CCM2L: variants seen among roughly 807,000 people sequenced by gnomAD.
CCM2L encodes CCM2 like scaffold protein.
CCM2L carries 36 observed loss-of-function variants against 54.1 expected under a neutral mutation model. That is an observed-to-expected ratio of 0.67 (90% CI 0.51 to 0.88). The LOEUF (loss-of-function observed/expected upper bound fraction) is 0.88, where lower values mean the gene tolerates loss of function less well. Among genes scored for constraint, CCM2L ranks in the 40% least tolerant of loss-of-function variants. CCM2L has a pLI of 0.00. For missense variants in CCM2L, 700 were observed against 812.1 expected (o/e 0.86, Z 1.68); for synonymous variants, 351 against 359.3 (o/e 0.98, Z 0.26).
At chr20:32,026,240 GT>G (rs1348738413) in intron 7 of CCM2L, among the ~76,000 whole-genome samples, 1 of 152,200 alleles carries the variant, frequency 6.6e-6, no homozygotes, top group African/African-American at 2.4e-5. Context: ...TTGGTTCCAT[GT>G]AATAGAAAAT....
rs1054691682 is a variant in CCM2L, at chr20:32,019,002, G to T, written c.526G>T (p.Asp176Tyr). ...VDASPGGAGR[D>Y]PGPPGGAPEK... The stretch of plus-strand genomic sequence containing the variant: ...TGCCAGCCCAGGCGGCGCAGGACGC[G>T]ACCCCGGCCCGCCAGGCGGGGCGCC... Residue 176 changes from aspartate to tyrosine, a missense_variant, in exon 5 of 10, where the codon GAC becomes TAC. By Grantham distance (160) the Asp-to-Tyr change is radical. Coordinates refer to ENST00000452892, the MANE Select transcript of CCM2L (RefSeq NM_001365692.1). 146 of 1,351,096 alleles carry T rather than the reference G, an allele frequency of 1.1e-4. No individual in the cohort carries two copies. In the African/African-American group the frequency reaches 2.0e-3, roughly 19 times the overall value. 83.7% of individuals were successfully genotyped at this position (1,351,096 alleles called of 1,614,324 possible). A position where few individuals can be genotyped will look rare whatever the true frequency, so the allele number is the denominator to read the frequency against.
In CCM2L at chr20:32,019,219, AGCGGCGGCACGGAGGCGGCG is replaced by A; in HGVS notation, c.752_771del (p.His251ArgfsTer9). ...CGGCAGACGTTCAGCGGCAGCTGGG[AGCGGCGGCACGGAGGCGGCG>A]GCGGCGGCGGCGGCGCGGGAAAGCC... On this transcript the variant is annotated frameshift_variant, in exon 5 of 10. Transcript: ENST00000452892. LOFTEE classifies it high-confidence loss of function. The A allele has an allele frequency of 8.7e-7, 1 of 1,151,744 alleles. No individual in the cohort carries two copies. The highest frequency in any genetic ancestry group is 1.1e-6 in the Non-Finnish European group (1 of 924,276). 71.3% of individuals were successfully genotyped at this position (1,151,744 alleles called of 1,614,324 possible). A position where few individuals can be genotyped will look rare whatever the true frequency, so the allele number is the denominator to read the frequency against.
chr20:32,019,340 C>G lies in CCM2L; in HGVS notation c.864C>G (p.Asn288Lys), dbSNP rs1039776146. The part of the protein sequence containing the change: ...GSWERRHPGP[N>K]PLDPQDPSPD... ...GGGAGCGGCGCCACCCCGGCCCCAACCCGCTCGACCCGCAGGACCCCAGCC... is the reference window on the plus strand; with the variant it reads ...GGGAGCGGCGCCACCCCGGCCCCAAGCCGCTCGACCCGCAGGACCCCAGCC... The change falls in exon 5 of 10, where the codon AAC becomes AAG. Residue 288 changes from asparagine (N) to lysine (K), a missense_variant. Asn to Lys is a moderately conservative substitution (Grantham distance 94). Transcript: ENST00000452892. 2.7e-6 allele frequency: 4 copies of G among 1,460,696 alleles called. No individual in the cohort carries two copies. The African/African-American group carries it at 5.8e-5, about 21-fold the overall frequency. 90.5% of individuals were successfully genotyped at this position (1,460,696 alleles called of 1,614,324 possible).
At chr20:32,023,874 G>A (rs1406392134) in intron 6 of CCM2L, among the ~76,000 whole-genome samples, 1 of 152,186 alleles carries the variant, frequency 6.6e-6, no homozygotes, top group African/African-American at 2.4e-5. Flanking sequence ...GGGACTACAG[G>A]CATGCGCCAC....
intron 7 of CCM2L, 59 bp downstream of exon 7, chr20:32,025,978 T>A (rs1380313206): frequency 8.1e-7 from 1 of 1,232,504 alleles, no homozygotes; most frequent in Admixed American, 2.3e-5. Context: ...ACAAACAGGG[T>A]GACTAGAGAG....
In CCM2L at chr20:32,018,095, T is replaced by G; in HGVS notation, c.399T>G (p.Pro133=). ...ATGAAGAGCTCATTCTGCGAATCCC[T>G]ACGCACGAGATCGCCGCCGCCTCCT... ...RDNEELILRI[P]THEIAAASYL... Residue 133 remains proline (P), a synonymous_variant, in exon 4 of 10, where the codon CCT becomes CCG. Coordinates refer to ENST00000452892, the MANE Select transcript of CCM2L (RefSeq NM_001365692.1). 6.2e-7 allele frequency: 1 copy of G among 1,612,286 alleles called. No homozygotes were observed. Among genetic ancestry groups the G allele is most frequent in the Non-Finnish European group, 8.5e-7 (1 of 1,179,730 alleles).
At chr20:32,029,237 T>C in intron 8 of CCM2L, 113 bp downstream of exon 8, 1 of 1,469,504 alleles carries the variant, frequency 6.8e-7, no homozygotes, top group Middle Eastern at 1.8e-4. Context: ...ACATCAGAGG[T>C]CAGAGCAGGA....
intron 5 of CCM2L, among the ~76,000 whole-genome samples, chr20:32,021,069 A>G (rs1456697374): frequency 6.6e-6 from 1 of 151,764 alleles, no homozygotes; most frequent in Non-Finnish European, 1.5e-5. Context: ...TCATGTGGTC[A>G]TCCTCTGACT....
rs2122384349 is a variant in CCM2L at position 32,031,479 on chromosome 20, G to A, written c.*165G>A. On this transcript the variant is annotated 3_prime_UTR_variant, in exon 10 of 10. Coordinates refer to ENST00000452892, the MANE Select transcript of CCM2L (RefSeq NM_001365692.1). ...TGGGGCCCGGGGCCATGCAGTACCT[G>A]GAGTGTCCTGCAGGGGGAAAGCGAA... is the stretch of plus-strand genomic sequence containing the variant. 1 of 460,536 alleles carries A rather than the reference G, an allele frequency of 2.2e-6. No individual in the cohort carries two copies. The highest frequency in any genetic ancestry group is 3.5e-6 in the Non-Finnish European group (1 of 286,158). 28.5% of individuals were successfully genotyped at this position (460,536 alleles called of 1,614,324 possible). A position where few individuals can be genotyped will look rare whatever the true frequency, so the allele number is the denominator to read the frequency against.
At chr20:32,013,587 A>G (rs1187540859) in intron 1 of CCM2L, among the ~76,000 whole-genome samples, 2 of 151,508 alleles carry the variant, frequency 1.3e-5, no homozygotes, top group Non-Finnish European at 2.9e-5. Flanking sequence ...GATTACAGGT[A>G]CATACCACCA....
intron 6 of CCM2L, among the ~76,000 whole-genome samples, chr20:32,023,270 A>G (rs2064824087): frequency 6.6e-6 from 1 of 152,188 alleles, no homozygotes; most frequent in African/African-American, 2.4e-5. Flanking sequence ...GCACCCAGCC[A>G]TCAGTTTTCA....
chr20:32,019,454 G>A, intron 5 of CCM2L, 45 bp downstream of exon 5: 2 of 1,377,450 alleles, frequency 1.5e-6, no homozygotes. Context: ...CTTCGGGAAC[G>A]CTGCTTCCCC....
Position 32,023,527 on chromosome 20 carries a change from TG to T in CCM2L, c.1069+733del, listed in dbSNP as rs548787046. On this transcript the variant is annotated intron_variant, in intron 6 of 9. Coordinates refer to ENST00000452892, the MANE Select transcript of CCM2L (RefSeq NM_001365692.1). The stretch of plus-strand genomic sequence containing the variant: ...GGAGAATGAGACTAATAGAGACATT[TG>T]TTGAGCACCAGTTGTGTGCCAAGCA... Among the ~76,000 whole-genome samples, 776 of 152,352 alleles carry T rather than the reference TG, an allele frequency of 5.1e-3. 4 individuals are homozygous for T. Among genetic ancestry groups the T allele is most frequent in the Non-Finnish European group, 7.3e-3 (495 of 68,034 alleles).
intron 1 of CCM2L, among the ~76,000 whole-genome samples, chr20:32,013,431 G>T (rs1004301976): frequency 6.6e-6 from 1 of 151,954 alleles, no homozygotes; most frequent in Non-Finnish European, 1.5e-5. Context: ...GTGTGGAGTG[G>T]GGGGGTGGGG....
At chr20:32,030,876 G>C in intron 9 of CCM2L, 125 bp from the exon 10 acceptor site, 1 of 795,078 alleles carries the variant, frequency 1.3e-6, no homozygotes, top group South Asian at 1.6e-5. Flanking sequence ...TAAGGACCTT[G>C]GGCAAGGCCA....
At chr20:32,013,989 G>A (rs1215723945) in intron 1 of CCM2L, among the ~76,000 whole-genome samples, 3 of 152,102 alleles carry the variant, frequency 2.0e-5, no homozygotes, top group Non-Finnish European at 4.4e-5. Flanking sequence ...GTTCTAGATG[G>A]AACTCAAACT....
intron 7 of CCM2L, 145 bp downstream of exon 7, chr20:32,026,064 T>C: frequency 2.0e-6 from 1 of 512,234 alleles, no homozygotes. Context: ...CTGAGCTCCC[T>C]GACTCTGGAA....
chr20:32,018,657 C>CCT (rs1196966919), intron 4 of CCM2L, among the ~76,000 whole-genome samples: 1 of 151,940 alleles, frequency 6.6e-6, no homozygotes, highest in African/African-American at 2.4e-5. Context: ...TGACCACCAC[C>CCT]CTCTGTTCAG....
At chr20:32,015,619 T>C (rs2064734751) in intron 2 of CCM2L, among the ~76,000 whole-genome samples, 1 of 152,220 alleles carries the variant, frequency 6.6e-6, no homozygotes, top group African/African-American at 2.4e-5. Flanking sequence ...TGTAAGGTTG[T>C]GATGGCCTTT....
Sources: allele counts gnomAD v4.1 joint callset (sites outside exome capture counted in the v4.1 genomes callset), GRCh38; gene constraint gnomAD v4.1.1; transcripts MANE v1.5; gene names NCBI Gene and HGNC (gene_info 2026-07-23, HGNC 2026-07-21).